The following PICALM variants were observed in gnomAD, a reference collection of about 807,000 sequenced individuals.
PICALM encodes the protein phosphatidylinositol-binding clathrin assembly protein.
In PICALM, 40 loss-of-function variants were observed where a neutral mutation model predicts 80.5. The observed-to-expected ratio is 0.50, with a 90% CI of 0.39 to 0.65. The LOEUF is 0.65. Among genes scored for constraint, PICALM ranks in the 30% least tolerant of loss-of-function variants. PICALM has a pLI of 0.00. For synonymous variants in PICALM, 288 were observed against 260.3 expected (o/e 1.11, Z -1.02); for missense variants, 676 against 778.9 (o/e 0.87, Z 1.57).
At position 85,965,424 on chromosome 11, in the gene PICALM, T is replaced by G. The variant is rs534015186; in HGVS notation, c.1945-6364A>C. Among the ~76,000 whole-genome samples the G allele has an allele frequency of 2.6e-5, 4 of 152,312 alleles. 1 individual carries two copies. The South Asian group carries it at 8.3e-4, about 32-fold the overall frequency. ...GTGTAATCAAAACATTTAGAGACCA[T>G]GGTGCTACTAAATAGGATTCCACAG... On this transcript the variant is annotated intron_variant, in intron 19 of 19. Transcript: ENST00000393346.
intron 19 of PICALM, among the ~76,000 whole-genome samples, chr11:85,971,020 A>C (rs2094094558): frequency 6.6e-6 from 1 of 152,192 alleles, no homozygotes; most frequent in South Asian, 2.1e-4. Context: ...ATTATAGCAG[A>C]GGAATAATTA....
rs1284066613 is a variant in PICALM at position 85,958,683 on chromosome 11, GTTC to G, written c.*360_*362del. On this transcript the variant is annotated 3_prime_UTR_variant, in exon 20 of 20. Coordinates refer to ENST00000393346, the MANE Select transcript of PICALM (RefSeq NM_007166.4). ...CTGTTGAAATACAGTAAAGGACACA[GTTC>G]TTCTCTCCAGGCAGCTTTTCCAAAT... 8 of 256,842 alleles carry G rather than the reference GTTC, an allele frequency of 3.1e-5. No homozygotes were observed. The highest frequency in any genetic ancestry group is 5.9e-5 in the Non-Finnish European group (8 of 134,740). 15.9% of individuals were successfully genotyped at this position (256,842 alleles called of 1,614,324 possible).
intron 17 of PICALM, among the ~76,000 whole-genome samples, chr11:85,977,504 C>T (rs557865776): frequency 4.3e-4 from 65 of 152,170 alleles, no homozygotes; most frequent in South Asian, 1.0e-3. Flanking sequence ...AGGTGAAAGA[C>T]CAATAACACT....
intron 8 of PICALM, among the ~76,000 whole-genome samples, chr11:86,004,100 T>C (rs1743511635): frequency 2.6e-5 from 4 of 152,162 alleles, no homozygotes; most frequent in Admixed American, 2.6e-4. Flanking sequence ...CCCAAAGAGA[T>C]AAAAACTTAT....
chr11:86,002,993 T>C lies in PICALM; in HGVS notation c.893+373A>G, dbSNP rs11826206. On this transcript the variant is annotated intron_variant, in intron 9 of 19. Coordinates refer to ENST00000393346, the MANE Select transcript of PICALM (RefSeq NM_007166.4). ...TGCCACTGCACTCCAGCCTGGGCAA[T>C]AGAGTGAGACTCTGCCTCGGGGGAA... Among the ~76,000 whole-genome samples the C allele has an allele frequency of 9.2e-3, 1,403 of 151,864 alleles. 21 individuals carry two copies. The highest frequency in any genetic ancestry group is 0.032 in the African/African-American group (1,313 of 41,356).
intron 14 of PICALM, among the ~76,000 whole-genome samples, chr11:85,982,437 T>TTTTTTTTTTTTTC (rs2094468758): frequency 7.4e-6 from 1 of 134,356 alleles, no homozygotes; most frequent in Non-Finnish European, 1.6e-5. Context: ...TTTTTTTTTT[T>TTTTTTTTTTTTTC]TGAGACGGAG....
At chr11:86,062,619 T>C (rs2096386272) in intron 1 of PICALM, among the ~76,000 whole-genome samples, 1 of 152,158 alleles carries the variant, frequency 6.6e-6, no homozygotes, top group Non-Finnish European at 1.5e-5. Flanking sequence ...TCGTGGGGGA[T>C]ATAATATATC....
upstream of PICALM, chr11:86,069,769 C>G (rs973754970): frequency 6.6e-6 from 1 of 152,244 alleles, no homozygotes; most frequent in Non-Finnish European, 1.5e-5. Flanking sequence ...GAAATGTCAC[C>G]TGGTTTTGTT....
At chr11:86,029,063 T>C (rs762711891) in intron 2 of PICALM, among the ~76,000 whole-genome samples, 2 of 152,170 alleles carry the variant, frequency 1.3e-5, no homozygotes, top group Non-Finnish European at 2.9e-5. Flanking sequence ...GGTCTCGAAC[T>C]TGCGACCTCA....
rs1555119256 is a variant in PICALM at position 86,036,957 on chromosome 11, A to AAAAAAAAAT, written c.131-5347_131-5346insATTTTTTTT. Among the ~76,000 whole-genome samples the AAAAAAAAAT allele has an allele frequency of 3.2e-3, 481 of 149,816 alleles. 1 individual carries two copies. Among genetic ancestry groups the AAAAAAAAAT allele is most frequent in the African/African-American group, 6.6e-3 (269 of 40,638 alleles). ...TCTCAACAACAACCAAAAAAAAAAA[A>AAAAAAAAAT]TTTTTTTTGAGATGGAGTCTTGCTC... On this transcript the variant is annotated intron_variant, in intron 1 of 19. Coordinates refer to ENST00000393346, the MANE Select transcript of PICALM (RefSeq NM_007166.4).
rs566199871 is a variant in PICALM, at chr11:85,967,807, T to G, written c.1944+6901A>C. On this transcript the variant is annotated intron_variant, in intron 19 of 19. Transcript: ENST00000393346. ...AGAAAGTACTTTAAAAGGCTTTTTC[T>G]AAGACTTAAATTATTCGAATATCTA... Among the ~76,000 whole-genome samples the G allele has an allele frequency of 7.2e-5, 11 of 152,350 alleles. 1 individual carries two copies. Among genetic ancestry groups the G allele is most frequent in the African/African-American group, 2.6e-4 (11 of 41,578 alleles).
chr11:86,067,948 G>C (rs763757251), intron 1 of PICALM, among the ~76,000 whole-genome samples: 5 of 152,128 alleles, frequency 3.3e-5, no homozygotes, highest in Non-Finnish European at 7.4e-5. Flanking sequence ...ACACCAAATT[G>C]AATCCTTTTA....
In PICALM at chr11:85,983,945, T is replaced by C. The variant is rs2094510657; in HGVS notation, c.1437A>G (p.Pro479=). 6.3e-7 allele frequency: 1 copy of C among 1,599,206 alleles called. No individual in the cohort carries two copies. The highest frequency in any genetic ancestry group is 1.3e-5 in the African/African-American group (1 of 74,490). ...VGFTPSPVAQ[P]HPSAGLNVDF... Reference sequence around the variant, plus strand: ...CAACATTAAGGCCAGCTGAAGGGTGTGGCTGTGCAACTGGAGAAGGAGTGA... The same window carrying C: ...CAACATTAAGGCCAGCTGAAGGGTGCGGCTGTGCAACTGGAGAAGGAGTGA... Residue 479 remains proline (P), a synonymous_variant, in exon 14 of 20, where the codon CCA becomes CCG. Coordinates refer to ENST00000393346, the MANE Select transcript of PICALM (RefSeq NM_007166.4).
Position 85,990,401 on chromosome 11 carries a change from T to G in PICALM, c.1259-2A>C. ...CATCTACAGTAGCAGAGAAAGGATCTGTGCAGTCCAAATGTATTATAGCAA... is the reference window on the plus strand; with the variant it reads ...CATCTACAGTAGCAGAGAAAGGATCGGTGCAGTCCAAATGTATTATAGCAA... On this transcript the variant is annotated splice_acceptor_variant, in intron 12 of 19. Coordinates refer to ENST00000393346, the MANE Select transcript of PICALM (RefSeq NM_007166.4). LOFTEE classifies it high-confidence loss of function. 1.3e-6 allele frequency: 2 copies of G among 1,583,300 alleles called. No homozygotes were observed. Among genetic ancestry groups the G allele is most frequent in the Non-Finnish European group, 1.7e-6 (2 of 1,158,846 alleles).
intron 12 of PICALM, among the ~76,000 whole-genome samples, chr11:85,995,432 T>C (rs1452138179): frequency 6.6e-6 from 1 of 152,224 alleles, no homozygotes; most frequent in Non-Finnish European, 1.5e-5. Flanking sequence ...CTTAGAATTG[T>C]TCTTCCACAG....
intron 13 of PICALM, among the ~76,000 whole-genome samples, chr11:85,989,210 A>T (rs1439056294): frequency 6.6e-6 from 1 of 152,208 alleles, no homozygotes; most frequent in African/African-American, 2.4e-5. Context: ...GACATGAAGG[A>T]ATTACTGCAA....
chr11:86,026,375 A>G lies in PICALM; in HGVS notation c.274-8T>C. ...CAAATACTGAATAAAACGCTGGAAAAAAAAAATTACATCATATTAAGGTAC... is the reference window on the plus strand; with the variant it reads ...CAAATACTGAATAAAACGCTGGAAAGAAAAAATTACATCATATTAAGGTAC... On this transcript the variant is annotated splice_polypyrimidine_tract_variant and splice_region_variant and intron_variant, in intron 2 of 19. Coordinates refer to ENST00000393346, the MANE Select transcript of PICALM (RefSeq NM_007166.4). The G allele has an allele frequency of 1.3e-6, 2 of 1,576,440 alleles. No individual in the cohort carries two copies. Among genetic ancestry groups the G allele is most frequent in the East Asian group, 4.5e-5 (2 of 44,562 alleles).
chr11:86,012,329 C>T lies in PICALM; in HGVS notation c.610G>A (p.Ala204Thr), dbSNP rs1171963038. The T allele has an allele frequency of 1.2e-6, 2 of 1,610,458 alleles. No homozygotes were observed. Among genetic ancestry groups the T allele is most frequent in the East Asian group, 2.2e-5 (1 of 44,712 alleles). The change falls in exon 6 of 20, where the codon GCC (alanine) becomes ACC (threonine). Residue 204 changes from alanine (A) to threonine (T), a missense_variant. Physicochemically the swap from Ala to Thr is moderately conservative, Grantham distance 58. This residue lies in a region of PICALM where 285 missense variants were observed against 395.4 expected (regional missense o/e 0.72). Coordinates refer to ENST00000393346, the MANE Select transcript of PICALM (RefSeq NM_007166.4). ...NAAFMLLFKD[A>T]IRLFAAYNEG... ...TTGTATGCTGCAAACAGTCTAATGG[C>T]ATCTTTGAACAGGAGCATGAAGGCA...
chr11:86,066,804 A>G (rs1270746787), intron 1 of PICALM, among the ~76,000 whole-genome samples: 1 of 152,164 alleles, frequency 6.6e-6, no homozygotes, highest in Admixed American at 6.5e-5. Context: ...ACACAGTGTC[A>G]GGACAAACTG....
Sources: gnomAD v4.1 joint callset for allele counts (sites outside exome capture counted in the v4.1 genomes callset) on GRCh38, gnomAD v4.1.1 for gene constraint, gnomAD v4.1.1 regional missense constraint, MANE v1.5 for transcripts, NCBI Gene and HGNC (gene_info 2026-07-23, HGNC 2026-07-21) for gene names.